BATF3: variants seen among roughly 807,000 people sequenced by gnomAD.
BATF3 encodes basic leucine zipper ATF-like transcription factor 3.
In BATF3, 8 loss-of-function variants were observed where a neutral mutation model predicts 16.1. That is an observed-to-expected ratio of 0.50 (90% CI 0.29 to 0.90). The LOEUF (loss-of-function observed/expected upper bound fraction) is 0.90. BATF3 is among the 40% of genes least tolerant of loss of function. BATF3 has a pLI of 0.08. For synonymous variants in BATF3, 74 were observed against 72.7 expected (o/e 1.02, Z -0.09); for missense variants, 139 against 167.0 (o/e 0.83, Z 0.92).
intron 2 of BATF3, among the ~76,000 whole-genome samples, chr1:212,690,874 G>C (rs190683775): frequency 5.2e-4 from 79 of 152,330 alleles, no homozygotes; most frequent in Non-Finnish European, 9.8e-4. Context: ...AGCTGCCTAA[G>C]GCAGTGGATC....
intron 2 of BATF3, among the ~76,000 whole-genome samples, chr1:212,688,935 C>A (rs1656928236): frequency 6.6e-6 from 1 of 152,132 alleles, no homozygotes; most frequent in Non-Finnish European, 1.5e-5. Flanking sequence ...TTATAGCCCC[C>A]AAAGACACAT....
rs985784856 is a variant in BATF3 at position 212,689,766 on chromosome 1, C to T, written c.196-2787G>A. Among the ~76,000 whole-genome samples the T allele has an allele frequency of 3.3e-5, 5 of 151,352 alleles. No individual in the cohort carries two copies. Among genetic ancestry groups the T allele is most frequent in the African/African-American group, 1.2e-4 (5 of 41,054 alleles). On this transcript the variant is annotated intron_variant, in intron 2 of 2. Transcript: ENST00000243440. The surrounding 1 kb of genome is among the most constrained non-coding windows in gnomAD (Gnocchi z 4.6). ...ACACACATACACATATACACACACT[C>T]ACACACGTCCGCAAACACACTCACA...
At chr1:212,692,489 G>A (rs1297129420) in intron 2 of BATF3, among the ~76,000 whole-genome samples, 2 of 152,174 alleles carry the variant, frequency 1.3e-5, no homozygotes, top group Non-Finnish European at 2.9e-5. Context: ...CCAGGCTGGA[G>A]TGCAGTGGCG....
rs559217315 is a variant in BATF3, at chr1:212,697,106, C to T, written c.91-41G>A. On this transcript the variant is annotated intron_variant, in intron 1 of 2. Coordinates refer to ENST00000243440, the MANE Select transcript of BATF3 (RefSeq NM_018664.3). ...GGGTGGGTGTGATGTCGTGGCCCCT[C>T]GCCTTACCCTTTTCTGCCCTGTCTC... The T allele has an allele frequency of 2.6e-5, 39 of 1,519,844 alleles. 1 individual carries two copies. The highest frequency in any genetic ancestry group is 5.5e-5 in the African/African-American group (4 of 73,006). 94.1% of individuals were successfully genotyped at this position (1,519,844 alleles called of 1,614,324 possible). A position where few individuals can be genotyped will look rare whatever the true frequency, so the allele number is the denominator to read the frequency against.
rs1331125362 is a variant in BATF3, at chr1:212,690,267, AG to A, written c.196-3289del. 3.3e-5 allele frequency among the ~76,000 whole-genome samples: 5 copies of A among 152,296 alleles called. No individual in the cohort carries two copies. In the East Asian group the frequency reaches 9.6e-4, roughly 29 times the overall value. ...CTGAATTCCGCAGCAAGACGCTCTG[AG>A]CTTCCCAGTTTTGTCTCTGGAAGCC... On this transcript the variant is annotated intron_variant, in intron 2 of 2. Transcript: ENST00000243440.
intron 2 of BATF3, among the ~76,000 whole-genome samples, chr1:212,691,368 A>G (rs1404925746): frequency 6.6e-6 from 1 of 152,218 alleles, no homozygotes; most frequent in East Asian, 1.9e-4. Context: ...TCTGACTCCT[A>G]ACTTCAAGGT....
chr1:212,686,766 G>C lies in BATF3; in HGVS notation c.*25C>G. ...GGTATGAAAATGACCAAGGCTCCTT[G>C]CTGGGCAGAGGAGTGTCCCCGGCTT... On this transcript the variant is annotated 3_prime_UTR_variant, in exon 3 of 3. Coordinates refer to ENST00000243440, the MANE Select transcript of BATF3 (RefSeq NM_018664.3). The C allele has an allele frequency of 6.3e-7, 1 of 1,598,218 alleles. No homozygotes were observed. The highest frequency in any genetic ancestry group is 2.2e-5 in the East Asian group (1 of 44,528).
At chr1:212,691,541 A>T (rs1321723974) in intron 2 of BATF3, among the ~76,000 whole-genome samples, 3 of 152,234 alleles carry the variant, frequency 2.0e-5, no homozygotes, top group Non-Finnish European at 4.4e-5. Flanking sequence ...CAGCAGAAAA[A>T]TTGTGTTACC....
At chr1:212,693,931 A>G (rs192133744) in intron 2 of BATF3, among the ~76,000 whole-genome samples, 93 of 152,346 alleles carry the variant, frequency 6.1e-4, no homozygotes, top group African/African-American at 2.2e-3. Flanking sequence ...GTCACCTTAC[A>G]TAGCAAAAGG....
rs960698703 is a variant in BATF3, at chr1:212,697,231, G to T, written c.91-166C>A. The stretch of plus-strand genomic sequence containing the variant: ...GCTCACAACAGCCCCTTGCCCAGGA[G>T]CACTCACCATGTGAGTGTGTGAAGT... On this transcript the variant is annotated intron_variant, in intron 1 of 2. Coordinates refer to ENST00000243440, the MANE Select transcript of BATF3 (RefSeq NM_018664.3). The T allele has an allele frequency of 7.2e-5, 43 of 599,396 alleles. No homozygotes were observed. In the East Asian group the frequency reaches 1.2e-3, roughly 16 times the overall value. The allele number at this position is 599,396 out of a possible 1,614,324, so 37.1% of individuals were successfully genotyped here. A position where few individuals can be genotyped will look rare whatever the true frequency, so the allele number is the denominator to read the frequency against.
chr1:212,699,732 C>T lies in BATF3; in HGVS notation c.31G>A (p.Val11Ile), dbSNP rs2202683. Residue 11 changes from valine to isoleucine, a missense_variant, in exon 1 of 3, where the codon GTC (valine) becomes ATC (isoleucine). Physicochemically the swap from Val to Ile is conservative, Grantham distance 29 (BLOSUM62 3). Transcript: ENST00000243440. This position sits in a 1 kb window ranked among gnomAD's most constrained non-coding sequence, Gnocchi z 4.4. ...GGCGCCGCGACGCTCCTCTGCAGGA[C>T]GCTGCCGGCGGCCGGGAGCCCTTGC... MSQGLPAAGS[V>I]LQRSVAAPGN... 188,613 of 1,316,544 alleles carry T rather than the reference C, an allele frequency of 0.14. 14,208 individuals carry two copies. The highest frequency in any genetic ancestry group is 0.23 in the South Asian group (11,163 of 48,126). 81.6% of individuals were successfully genotyped at this position (1,316,544 alleles called of 1,614,324 possible).
chr1:212,686,869 G>A lies in BATF3; in HGVS notation c.306C>T (p.Cys102=), dbSNP rs950101836. The A allele has an allele frequency of 1.2e-6, 2 of 1,614,222 alleles. No individual in the cohort carries two copies. Among genetic ancestry groups the A allele is most frequent in the Non-Finnish European group, 1.7e-6 (2 of 1,180,050 alleles). ...TEALKEHEKM[C]PLLLCPMNFV... is the part of the protein sequence containing the mutation. ...AGTTCATAGGGCAGAGCAGCAGCGG[G>A]CACATCTTCTCGTGCTCCTTCAGTG... The change falls in exon 3 of 3, where the codon TGC becomes TGT. Residue 102 remains cysteine (C), a synonymous_variant. Transcript: ENST00000243440.
chr1:212,696,938 G>T, intron 2 of BATF3, 23 bp downstream of exon 2: 1 of 1,593,272 alleles, frequency 6.3e-7, no homozygotes. Flanking sequence ...CTCTAAGGTG[G>T]CTTGCCCCTA....
At chr1:212,691,619 C>T (rs1479278235) in intron 2 of BATF3, among the ~76,000 whole-genome samples, 4 of 152,260 alleles carry the variant, frequency 2.6e-5, no homozygotes, top group African/African-American at 9.6e-5. Context: ...ATGAAGCTCT[C>T]AGAACATGCA....
In BATF3 at chr1:212,699,426, C is replaced by A. The variant is rs973382244; in HGVS notation, c.90+247G>T. ...CGTCGGCGCCCTCGGGCTTCTTCCC[C>A]CAGAGGGCGCAGGAGCTGGCTCAGG... On this transcript the variant is annotated intron_variant, in intron 1 of 2. Transcript: ENST00000243440. The surrounding 1 kb of genome is among the most constrained non-coding windows in gnomAD (Gnocchi z 4.4). 6.6e-6 allele frequency among the ~76,000 whole-genome samples: 1 copy of A among 152,114 alleles called. No homozygotes were observed. Among genetic ancestry groups the A allele is most frequent in the African/African-American group, 2.4e-5 (1 of 41,446 alleles).
At position 212,699,317 on chromosome 1, in the gene BATF3, C is replaced by T. The variant is rs747819672; in HGVS notation, c.90+356G>A. 1.1e-3 allele frequency among the ~76,000 whole-genome samples: 160 copies of T among 152,264 alleles called. 1 individual carries two copies. Among genetic ancestry groups the T allele is most frequent in the Non-Finnish European group, 9.9e-4 (67 of 68,002 alleles). On this transcript the variant is annotated intron_variant, in intron 1 of 2. Transcript: ENST00000243440. The surrounding 1 kb of genome is among the most constrained non-coding windows in gnomAD (Gnocchi z 4.4). Reference sequence around the variant, plus strand: ...GGCGCGGGTGGTGGGGTGGCAGTCGCTGGCTGCGCCAGGATGGGGCGGCCC... The same window carrying T: ...GGCGCGGGTGGTGGGGTGGCAGTCGTTGGCTGCGCCAGGATGGGGCGGCCC...
At chr1:212,692,885 T>C (rs1657034284) in intron 2 of BATF3, among the ~76,000 whole-genome samples, 1 of 152,240 alleles carries the variant, frequency 6.6e-6, no homozygotes, top group Non-Finnish European at 1.5e-5. Flanking sequence ...GAAAGCCCTT[T>C]GATGCGCTAC....
Position 212,699,797 on chromosome 1 carries a change from C to T in BATF3, c.-35G>A, listed in dbSNP as rs1232637626. On this transcript the variant is annotated 5_prime_UTR_variant, in exon 1 of 3. Coordinates refer to ENST00000243440, the MANE Select transcript of BATF3 (RefSeq NM_018664.3). This position sits in a 1 kb window ranked among gnomAD's most constrained non-coding sequence, Gnocchi z 4.4. ...TCCTCTGGCCCGGCCCGCCCCGCCCCGCCCGCGCGCCCTGCCCGTGGGGCT... is the reference window on the plus strand; with the variant it reads ...TCCTCTGGCCCGGCCCGCCCCGCCCTGCCCGCGCGCCCTGCCCGTGGGGCT... 1.7e-6 allele frequency: 2 copies of T among 1,158,928 alleles called. No individual in the cohort carries two copies. Among genetic ancestry groups the T allele is most frequent in the Middle Eastern group, 3.5e-4 (1 of 2,858 alleles). 71.8% of individuals were successfully genotyped at this position (1,158,928 alleles called of 1,614,324 possible).
Position 212,690,139 on chromosome 1 carries a change from G to C in BATF3, c.196-3160C>G, listed in dbSNP as rs144084896. ...CCTTGACTTTCAAGTAAAATGGAGA[G>C]TACATTTGAATAGTTCCAATGTGCT... On this transcript the variant is annotated intron_variant, in intron 2 of 2. Coordinates refer to ENST00000243440, the MANE Select transcript of BATF3 (RefSeq NM_018664.3). 3.1e-3 allele frequency among the ~76,000 whole-genome samples: 478 copies of C among 152,312 alleles called. 3 individuals carry two copies. The highest frequency in any genetic ancestry group is 0.01 in the African/African-American group (435 of 41,570).
Sources: gnomAD v4.1 joint callset for allele counts (sites outside exome capture counted in the v4.1 genomes callset) on GRCh38, gnomAD v4.1.1 for gene constraint, Gnocchi (gnomAD v3.1) non-coding constraint, MANE v1.5 for transcripts, NCBI Gene and HGNC (gene_info 2026-07-23, HGNC 2026-07-21) for gene names.